Variants in UBR3 observed in about 807,000 individuals in gnomAD.
UBR3 encodes the protein E3 ubiquitin-protein ligase UBR3.
UBR3 carries 85 observed loss-of-function variants against 243.2 expected under a neutral mutation model. That is an observed-to-expected ratio of 0.35 (90% CI 0.29 to 0.42). The LOEUF is 0.42. Among genes scored for constraint, UBR3 ranks in the 10% least tolerant of loss-of-function variants. The pLI is 1.00. For missense variants in UBR3, 1,686 were observed against 2,300.8 expected, an observed-to-expected ratio of 0.73 and a Z score of 5.47; for synonymous variants, 748 against 799.8, an observed-to-expected ratio of 0.94 and a Z score of 1.09.
At chr2:169,860,802 C>A (rs1008730961) in intron 1 of UBR3, among the ~76,000 whole-genome samples, 4 of 152,082 alleles carry the variant, frequency 2.6e-5, no homozygotes, top group African/African-American at 9.7e-5. Context: ...CACACAATCA[C>A]AAGGTAAAGT....
chr2:169,900,491 G>C (rs2084777423), intron 8 of UBR3, among the ~76,000 whole-genome samples: 1 of 152,136 alleles, frequency 6.6e-6, no homozygotes, highest in African/African-American at 2.4e-5. Flanking sequence ...AAGCTCTTTA[G>C]TTTAATTAGA....
chr2:170,075,535 T>A (rs2091789012), intron 36 of UBR3, among the ~76,000 whole-genome samples: 1 of 152,106 alleles, frequency 6.6e-6, no homozygotes, highest in Non-Finnish European at 1.5e-5. Flanking sequence ...TATAATTAGG[T>A]GATAATTATT....
intron 1 of UBR3, among the ~76,000 whole-genome samples, chr2:169,847,336 T>C (rs2082517222): frequency 6.6e-6 from 1 of 152,212 alleles, no homozygotes; most frequent in Non-Finnish European, 1.5e-5. Context: ...CCATTTACTC[T>C]TCTTTGTTGG....
In UBR3 at chr2:169,827,751, G is replaced by C. The variant is rs1490592558; in HGVS notation, c.244G>C (p.Gly82Arg). ...CGCGGCGGCGGCCGGAGGCGGGGGC[G>C]GTCCGGGGGCGGCCGAGGAGGAGGC... The part of the protein sequence containing the change: ...EDAAAAGGGG[G>R]PGAAEEEALE... Residue 82 changes from glycine to arginine, a missense_variant, in exon 1 of 39, where the codon GGT becomes CGT. Gly to Arg is a moderately radical substitution (Grantham distance 125). Coordinates refer to ENST00000272793, the MANE Select transcript of UBR3 (RefSeq NM_172070.4). 6 of 1,248,276 alleles carry C rather than the reference G, an allele frequency of 4.8e-6. No homozygotes were observed. The highest frequency in any genetic ancestry group is 4.0e-6 in the Non-Finnish European group (4 of 998,246). 77.3% of individuals were successfully genotyped at this position (1,248,276 alleles called of 1,614,324 possible).
chr2:169,934,362 T>C (rs999754876), intron 19 of UBR3, among the ~76,000 whole-genome samples: 1 of 152,186 alleles, frequency 6.6e-6, no homozygotes, highest in African/African-American at 2.4e-5. Context: ...TACTTTGTAG[T>C]TACTAGAAAT....
At chr2:170,081,588 G>A in intron 38 of UBR3, 138 bp from the exon 39 acceptor site, 1 of 495,918 alleles carries the variant, frequency 2.0e-6, no homozygotes, top group Non-Finnish European at 3.5e-6. Flanking sequence ...TACTCGAGAG[G>A]CTGAGACAGG....
At chr2:170,024,391 T>A (rs2090474451) in intron 30 of UBR3, among the ~76,000 whole-genome samples, 1 of 148,106 alleles carries the variant, frequency 6.8e-6, no homozygotes, top group Non-Finnish European at 1.5e-5. Context: ...AAGAAATAAC[T>A]GACAGAGGTA....
intron 5 of UBR3, among the ~76,000 whole-genome samples, chr2:169,888,354 A>C (rs2084193905): frequency 6.6e-6 from 1 of 150,700 alleles, no homozygotes; most frequent in African/African-American, 2.4e-5. Context: ...GGTCAGGCTG[A>C]TCTCGAACTC....
chr2:169,837,353 G>A (rs2082143221), intron 1 of UBR3, among the ~76,000 whole-genome samples: 1 of 152,212 alleles, frequency 6.6e-6, no homozygotes. Context: ...GCGTGTGGCT[G>A]TAATCCCAGC....
intron 31 of UBR3, among the ~76,000 whole-genome samples, chr2:170,036,659 A>G (rs2105428462): frequency 6.6e-6 from 1 of 152,194 alleles, no homozygotes; most frequent in South Asian, 2.1e-4. Context: ...TTTGTGAATG[A>G]TATATTCTGG....
rs1317462454 is a variant in UBR3, at chr2:169,947,592, T to C, written c.2961T>C (p.Ser987=). The C allele has an allele frequency of 6.5e-7, 1 of 1,529,490 alleles. No individual in the cohort carries two copies. Among genetic ancestry groups the C allele is most frequent in the Non-Finnish European group, 8.8e-7 (1 of 1,136,766 alleles). 94.7% of individuals were successfully genotyped at this position (1,529,490 alleles called of 1,614,324 possible). ...ERCHDSWFPG[S]NLVSNMRHFI... is the part of the protein sequence containing the mutation. Reference sequence around the variant, plus strand: ...GTCATGACAGTTGGTTTCCTGGCAGTAACTTAGTGTCAAACATGCGACACT... The same window carrying C: ...GTCATGACAGTTGGTTTCCTGGCAGCAACTTAGTGTCAAACATGCGACACT... Residue 987 remains serine (S), a synonymous_variant, in exon 22 of 39, where the codon AGT becomes AGC. Coordinates refer to ENST00000272793, the MANE Select transcript of UBR3 (RefSeq NM_172070.4).
intron 2 of UBR3, among the ~76,000 whole-genome samples, chr2:169,873,947 C>A (rs1354249049): frequency 1.3e-5 from 2 of 152,024 alleles, no homozygotes; most frequent in Non-Finnish European, 2.9e-5. Context: ...AAGAGTACTT[C>A]ACATGAAAGT....
chr2:169,869,402 T>TA (rs2083367371), intron 1 of UBR3, among the ~76,000 whole-genome samples: 1 of 151,908 alleles, frequency 6.6e-6, no homozygotes, highest in African/African-American at 2.4e-5. Context: ...TTTGTATTTT[T>TA]TAGTAGAGAT....
chr2:170,065,395 T>C (rs1433955474), intron 35 of UBR3, among the ~76,000 whole-genome samples: 1 of 152,078 alleles, frequency 6.6e-6, no homozygotes, highest in African/African-American at 2.4e-5. Flanking sequence ...CAAGCAATTC[T>C]TGTGCCTCAG....
intron 5 of UBR3, among the ~76,000 whole-genome samples, chr2:169,881,842 T>C (rs1194286932): frequency 1.5e-5 from 2 of 136,792 alleles, no homozygotes; most frequent in Non-Finnish European, 3.1e-5. Flanking sequence ...TGTATACATG[T>C]ATACATATAC....
At position 170,029,418 on chromosome 2, in the gene UBR3, A is replaced by G. The variant is rs142781175; in HGVS notation, c.4526A>G (p.Lys1509Arg). 2 of 1,611,462 alleles carry G rather than the reference A, an allele frequency of 1.2e-6. No individual in the cohort carries two copies. Among genetic ancestry groups the G allele is most frequent in the African/African-American group, 2.7e-5 (2 of 74,776 alleles). ...GACTCTGAGTATAATCCCTGGAGAA[A>G]GCTCACCCAGTTAGAAGAGATGAAT... ...SIDSEYNPWR[K>R]LTQLEEMNPQ... The change falls in exon 31 of 39, where the codon AAG becomes AGG. Residue 1509 changes from lysine (K) to arginine (R), a missense_variant. By Grantham distance (26) the Lys-to-Arg change is conservative (BLOSUM62 2). This residue lies in a region of UBR3 where 371 missense variants were observed against 422.5 expected (regional missense o/e 0.88). Transcript: ENST00000272793.
chr2:169,907,036 CTTTTTTTTTTTTTT>C lies in UBR3; in HGVS notation c.1779+881_1779+894del, dbSNP rs36078695. Among the ~76,000 whole-genome samples the C allele has an allele frequency of 1.4e-4, 16 of 112,338 alleles. 1 individual carries two copies. In the Middle Eastern group the frequency reaches 0.014, roughly 100 times the overall value. 73.7% of individuals were successfully genotyped at this position (112,338 alleles called of 152,430 possible). ...AATCTTACTAGGTTCAAATTTCTTT[CTTTTTTTTTTTTTT>C]TTTTTTTTAGAGGGAGTCTCTCTGT... On this transcript the variant is annotated intron_variant, in intron 10 of 38. Coordinates refer to ENST00000272793, the MANE Select transcript of UBR3 (RefSeq NM_172070.4).
At chr2:169,878,105 A>C (rs571584887) in intron 4 of UBR3, among the ~76,000 whole-genome samples, 19 of 152,318 alleles carry the variant, frequency 1.2e-4, no homozygotes, top group Admixed American at 2.0e-4. Context: ...TATGCCTATA[A>C]ATCCCAGCAG....
rs2091837669 is a variant in UBR3, at chr2:170,077,606, G to A, written c.5200-2208G>A. On this transcript the variant is annotated intron_variant, in intron 36 of 38. Transcript: ENST00000272793. ...CTCTTTCCTGTTGGAATAACTTTGA[G>A]ACAGAGTCTCACTCTGTTGCCCAGG... 3 of 501,158 alleles carry A rather than the reference G, an allele frequency of 6.0e-6. No homozygotes were observed. The South Asian group carries it at 1.1e-4, about 19-fold the overall frequency. The allele number at this position is 501,158 out of a possible 1,614,324, so 31.0% of individuals were successfully genotyped here.
Sources: gnomAD v4.1 joint callset for allele counts (sites outside exome capture counted in the v4.1 genomes callset) on GRCh38, gnomAD v4.1.1 for gene constraint, gnomAD v4.1.1 regional missense constraint, MANE v1.5 for transcripts, NCBI Gene and HGNC (gene_info 2026-07-23, HGNC 2026-07-21) for gene names.